The following ECD variants were observed in gnomAD, a reference collection of about 807,000 sequenced individuals.
The protein encoded by ECD is protein ecdysoneless homolog.
Under a neutral mutation model 77.2 loss-of-function variants are expected in ECD, and 59 were observed. The ratio of observed to expected loss-of-function variants is 0.76; its 90% CI spans 0.62 to 0.95. The LOEUF (loss-of-function observed/expected upper bound fraction) is 0.95. Ranked by LOEUF, ECD falls within the 40% of genes least tolerant of loss-of-function variation. The probability of loss-of-function intolerance (pLI) is 0.00; values close to 1 mark genes in which losing one functional copy is unlikely to be tolerated. For synonymous variants in ECD, 233 were observed against 267.4 expected (o/e 0.87, Z 1.26); for missense variants, 704 against 763.4 (o/e 0.92, Z 0.92).
intron 7 of ECD, among the ~76,000 whole-genome samples, chr10:73,151,820 T>C (rs1843212093): frequency 6.6e-6 from 1 of 152,186 alleles, no homozygotes; most frequent in African/African-American, 2.4e-5. Context: ...TCTTTTTCAT[T>C]TAGATTGCAA....
chr10:73,149,397 C>T (rs10437381), intron 7 of ECD, among the ~76,000 whole-genome samples: 23,936 of 152,094 alleles, frequency 0.16, 3,140 homozygotes, highest in African/African-American at 0.34. Context: ...ACCTTACTTA[C>T]AATTTTTATC....
chr10:73,138,445 A>G (rs1207502681), intron 11 of ECD, among the ~76,000 whole-genome samples: 2 of 152,240 alleles, frequency 1.3e-5, no homozygotes, highest in Admixed American at 6.5e-5. Context: ...AAACAAGAAC[A>G]TATCTTCCCT....
chr10:73,164,086 A>G, intron 1 of ECD, 136 bp from the exon 2 acceptor site: 1 of 712,830 alleles, frequency 1.4e-6, no homozygotes, highest in Non-Finnish European at 2.3e-6. Context: ...ATGTAATCCT[A>G]TCACTTTGGG....
In ECD at chr10:73,156,587, G is replaced by A. The variant is rs769239602; in HGVS notation, c.392C>T (p.Pro131Leu). The stretch of plus-strand genomic sequence containing the variant: ...ACTTACCCTATTGGTGCTATTTTCA[G>A]GATCCAGCCATTTAGGGAGAAAGTC... ...AADFLPKWLD[P>L]ENSTNRVFFC... Residue 131 changes from proline (P) to leucine (L), a missense_variant, in exon 4 of 14, where the codon CCT becomes CTT. Transcript: ENST00000372979. The A allele has an allele frequency of 5.0e-6, 8 of 1,613,950 alleles. No homozygotes were observed. The South Asian group carries it at 8.8e-5, about 18-fold the overall frequency.
chr10:73,138,017 A>G lies in ECD; in HGVS notation c.1475T>C (p.Phe492Ser). Residue 492 changes from phenylalanine (F) to serine (S), a missense_variant, in exon 12 of 14, where the codon TTT becomes TCT. Transcript: ENST00000372979. Reference sequence around the variant, plus strand: ...CCACTACTTACCTAAAATCTTATCAAAATAATTAAGAAAAGAATCTGCATC... The same window carrying G: ...CCACTACTTACCTAAAATCTTATCAGAATAATTAAGAAAAGAATCTGCATC... ...TFDADSFLNY[F>S]DKILGPRPNE... The G allele has an allele frequency of 6.3e-7, 1 of 1,596,654 alleles. No homozygotes were observed. Among genetic ancestry groups the G allele is most frequent in the Non-Finnish European group, 8.5e-7 (1 of 1,174,442 alleles).
rs12571390 is a variant in ECD at position 73,134,174 on chromosome 10, A to G, written c.*409T>C. On this transcript the variant is annotated 3_prime_UTR_variant, in exon 14 of 14. Transcript: ENST00000372979. ...TTGTGCACTTAACCATATGCATGTT[A>G]TGCCTCATTAAAAAAATTGAAAAAG... is the stretch of plus-strand genomic sequence containing the variant. 0.074 allele frequency: 12,811 copies of G among 172,808 alleles called. 799 individuals are homozygous for G. The highest frequency in any genetic ancestry group is 0.3 in the East Asian group (2,035 of 6,804). The allele number at this position is 172,808 out of a possible 1,614,324, so 10.7% of individuals were successfully genotyped here. A position where few individuals can be genotyped will look rare whatever the true frequency, so the allele number is the denominator to read the frequency against.
intron 2 of ECD, among the ~76,000 whole-genome samples, chr10:73,161,969 A>G (rs1213816326): frequency 6.6e-6 from 1 of 152,234 alleles, no homozygotes; most frequent in African/African-American, 2.4e-5. Flanking sequence ...TGCCATGGCA[A>G]ACAATAGGTA....
At chr10:73,156,819 C>T (rs1404377067) in intron 3 of ECD, among the ~76,000 whole-genome samples, 164 bp from the exon 4 acceptor site, 1 of 152,010 alleles carries the variant, frequency 6.6e-6, no homozygotes, top group Non-Finnish European at 1.5e-5. Flanking sequence ...TAACATTAAG[C>T]ACTGAAGGAG....
At chr10:73,143,406 T>A (rs1843083631) in intron 9 of ECD, among the ~76,000 whole-genome samples, 1 of 152,220 alleles carries the variant, frequency 6.6e-6, no homozygotes, top group Admixed American at 6.5e-5. Flanking sequence ...GACCTCGTGA[T>A]CCACCCGCCT....
chr10:73,162,118 G>A (rs1435883115), intron 2 of ECD, among the ~76,000 whole-genome samples: 1 of 152,190 alleles, frequency 6.6e-6, no homozygotes, highest in East Asian at 1.9e-4. Flanking sequence ...GGGAACTACT[G>A]AAGGATATTA....
chr10:73,154,547 A>T, intron 5 of ECD, 99 bp from the exon 6 acceptor site: 1 of 1,139,260 alleles, frequency 8.8e-7, no homozygotes, highest in Non-Finnish European at 1.2e-6. Context: ...GTTCATCAAG[A>T]GCAGTACGTA....
chr10:73,150,246 C>T (rs2133260380), intron 7 of ECD, among the ~76,000 whole-genome samples: 1 of 152,236 alleles, frequency 6.6e-6, no homozygotes. Context: ...TGGTCTTTGA[C>T]AAACCTGACA....
intron 6 of ECD, among the ~76,000 whole-genome samples, 166 bp downstream of exon 6, chr10:73,154,090 T>C (rs894142655): frequency 1.3e-5 from 2 of 152,220 alleles, no homozygotes; most frequent in Non-Finnish European, 2.9e-5. Flanking sequence ...ATATTCAATC[T>C]ATATTAACAT....
chr10:73,141,498 C>G (rs1843057242), intron 9 of ECD: 1 of 151,730 alleles, frequency 6.6e-6, no homozygotes, highest in African/African-American at 2.4e-5. Context: ...GGGCACAGAG[C>G]AAGACTCCGT....
At chr10:73,163,053 T>C (rs1843402021) in intron 2 of ECD, among the ~76,000 whole-genome samples, 1 of 152,190 alleles carries the variant, frequency 6.6e-6, no homozygotes. Context: ...CCCAGGAGTG[T>C]CTTGTCTGTA....
chr10:73,164,635 CT>C (rs533921175), intron 1 of ECD, among the ~76,000 whole-genome samples: 22 of 151,756 alleles, frequency 1.4e-4, no homozygotes, highest in African/African-American at 5.1e-4. Context: ...GCCCAGCTAA[CT>C]TTTTTTGTAT....
chr10:73,152,523 T>C (rs1311428221), intron 6 of ECD, 102 bp from the exon 7 acceptor site: 1 of 1,347,332 alleles, frequency 7.4e-7, no homozygotes, highest in African/African-American at 1.5e-5. Flanking sequence ...ATAAGCTTCA[T>C]ATTCATATGA....
intron 9 of ECD, among the ~76,000 whole-genome samples, chr10:73,140,659 C>T (rs1235595651): frequency 1.3e-5 from 2 of 151,598 alleles, no homozygotes; most frequent in Non-Finnish European, 2.9e-5. Context: ...GAGCAAGACT[C>T]CATCTCAATA....
chr10:73,160,307 ATAC>A, intron 3 of ECD, 124 bp downstream of exon 3: 1 of 539,852 alleles, frequency 1.9e-6, no homozygotes, highest in Non-Finnish European at 3.0e-6. Context: ...AAGAGCACAG[ATAC>A]TATTAAAATC....
Sources: gnomAD v4.1 joint callset for allele counts (sites outside exome capture counted in the v4.1 genomes callset) on GRCh38, gnomAD v4.1.1 for gene constraint, MANE v1.5 for transcripts, NCBI Gene and HGNC (gene_info 2026-07-23, HGNC 2026-07-21) for gene names.